Variants in NR1H3 observed in about 807,000 individuals in gnomAD.
NR1H3 encodes the protein nuclear receptor subfamily 1 group H member 3.
Under a neutral mutation model 48.1 loss-of-function variants are expected in NR1H3, and 19 were observed. The observed-to-expected ratio is 0.40, with a 90% CI of 0.28 to 0.58. The LOEUF is 0.58. Ranked by LOEUF, NR1H3 falls within the 20% of genes least tolerant of loss-of-function variation. The probability of loss-of-function intolerance (pLI) is 0.50; values close to 1 mark genes in which losing one functional copy is unlikely to be tolerated. For missense variants in NR1H3, 486 were observed against 595.9 expected, an observed-to-expected ratio of 0.82 and a Z score of 1.92; for synonymous variants, 232 against 227.3, an observed-to-expected ratio of 1.02 and a Z score of -0.19.
chr11:47,261,162 T>G, intron 4 of NR1H3, 79 bp from the exon 5 acceptor site: 1 of 913,610 alleles, frequency 1.1e-6, no homozygotes. Context: ...GCCCCATCCT[T>G]CCCTCCTGTC....
At position 47,258,056 on chromosome 11, in the gene NR1H3, T is replaced by C; in HGVS notation, c.-111T>C. 1.0e-6 allele frequency: 1 copy of C among 985,274 alleles called. No individual in the cohort carries two copies. The highest frequency in any genetic ancestry group is 1.2e-6 in the Non-Finnish European group (1 of 830,064). The allele number at this position is 985,274 out of a possible 1,614,324, so 61.0% of individuals were successfully genotyped here. On this transcript the variant is annotated 5_prime_UTR_variant, in exon 1 of 10. Coordinates refer to ENST00000441012, the MANE Select transcript of NR1H3 (RefSeq NM_005693.4). ...CCACCGAGACTTCTGGACAGGAAACTGCACCATCCTCTTCTCCCAGCAAGG... is the reference window on the plus strand; with the variant it reads ...CCACCGAGACTTCTGGACAGGAAACCGCACCATCCTCTTCTCCCAGCAAGG...
At chr11:47,259,551 A>G in intron 2 of NR1H3, 2 of 1,483,402 alleles carry the variant, frequency 1.3e-6, no homozygotes, top group East Asian at 5.0e-5. Context: ...TGAAATGCAT[A>G]CACTCCAGCC....
Position 47,268,750 on chromosome 11 carries a change from G to A in NR1H3, c.*54G>A. 2 of 1,591,482 alleles carry A rather than the reference G, an allele frequency of 1.3e-6. No individual in the cohort carries two copies. The highest frequency in any genetic ancestry group is 2.3e-5 in the South Asian group (2 of 88,876). Reference sequence around the variant, plus strand: ...TTGGCCGGATGGCTGAGGCCTGGTGGCTGCCTCCTAGAAGTGGAACAGACT... The same window carrying A: ...TTGGCCGGATGGCTGAGGCCTGGTGACTGCCTCCTAGAAGTGGAACAGACT... On this transcript the variant is annotated 3_prime_UTR_variant, in exon 10 of 10. Transcript: ENST00000441012.
upstream of NR1H3, among the ~76,000 whole-genome samples, chr11:47,255,547 TTC>T (rs1241899233): frequency 8.1e-4 from 45 of 55,736 alleles, no homozygotes; most frequent in East Asian, 0.014. Context: ...TTCTTTTTCT[TTC>T]TTTCTTTCTT....
intron 6 of NR1H3, 38 bp downstream of exon 6, chr11:47,261,764 A>G: frequency 6.2e-7 from 1 of 1,613,898 alleles, no homozygotes; most frequent in African/African-American, 1.3e-5. Flanking sequence ...GGAGAAGCAG[A>G]GTGGGATTAT....
intron 1 of NR1H3, chr11:47,258,740 C>T (rs1246811993): frequency 1.8e-5 from 3 of 163,894 alleles, no homozygotes; most frequent in African/African-American, 4.8e-5. Flanking sequence ...TTGCTTCAGC[C>T]CAGTAGTTTG....
rs61731956 is a variant in NR1H3 at position 47,268,596 on chromosome 11, G to A, written c.1244G>A (p.Arg415Gln). 4.6e-4 allele frequency: 744 copies of A among 1,614,204 alleles called. 1 individual carries two copies. Among genetic ancestry groups the A allele is most frequent in the Non-Finnish European group, 5.8e-4 (685 of 1,180,044 alleles). Residue 415 changes from arginine (R) to glutamine (Q), a missense_variant, in exon 10 of 10, where the codon CGG (arginine) becomes CAG (glutamine). Transcript: ENST00000441012. ...ATGCTAATGAAACTGGTGAGCCTCC[G>A]GACCCTGAGCAGCGTCCACTCAGAG... ...PRMLMKLVSL[R>Q]TLSSVHSEQV...
chr11:47,248,503 C>G (rs1466201497), upstream of NR1H3: 2 of 1,550,970 alleles, frequency 1.3e-6, no homozygotes, highest in Non-Finnish European at 1.7e-6. Flanking sequence ...ATTCGGTCAT[C>G]CTGACTCCCA....
chr11:47,267,893 C>G lies in NR1H3; in HGVS notation c.989-20C>G. ...CTGCTGCTCCTGCTGCTTGCGTCAG[C>G]CTCCCTTCTTCCTCCCCAGGGCTGC... is the stretch of plus-strand genomic sequence containing the variant. On this transcript the variant is annotated intron_variant, in intron 7 of 9. Transcript: ENST00000441012. 4 of 1,564,254 alleles carry G rather than the reference C, an allele frequency of 2.6e-6. No individual in the cohort carries two copies. The highest frequency in any genetic ancestry group is 2.6e-6 in the Non-Finnish European group (3 of 1,134,726).
At chr11:47,262,621 TCTC>T (rs553499005) in intron 7 of NR1H3, among the ~76,000 whole-genome samples, 84 of 152,056 alleles carry the variant, frequency 5.5e-4, no homozygotes, top group African/African-American at 2.0e-3. Flanking sequence ...TTCAAGCAAT[TCTC>T]CTGCTTCAGC....
intron 7 of NR1H3, among the ~76,000 whole-genome samples, chr11:47,263,332 G>A (rs1460542010): frequency 6.7e-5 from 10 of 149,222 alleles, no homozygotes; most frequent in African/African-American, 2.2e-4. Flanking sequence ...TGGCATGAAC[G>A]TGGCTCACTG....
At chr11:47,260,262 T>G (rs1955691508) in intron 3 of NR1H3, 147 bp from the exon 4 acceptor site, 3 of 1,144,970 alleles carry the variant, frequency 2.6e-6, no homozygotes, top group Non-Finnish European at 3.7e-6. Flanking sequence ...ACTTGGCAAA[T>G]GAGGGCTACT....
At chr11:47,251,383 G>A (rs867100519) in intron 1 of NR1H3, among the ~76,000 whole-genome samples, 1 of 151,970 alleles carries the variant, frequency 6.6e-6, no homozygotes, top group Non-Finnish European at 1.5e-5. Context: ...AGGACGAGGC[G>A]GGTGGATCAC....
upstream of NR1H3, among the ~76,000 whole-genome samples, chr11:47,255,968 A>G (rs1955135864): frequency 6.7e-6 from 1 of 149,518 alleles, no homozygotes; most frequent in Non-Finnish European, 1.5e-5. Context: ...CGCACCCTGC[A>G]TGATCTGTAG....
Position 47,268,669 on chromosome 11 carries a change from C to T in NR1H3, c.1317C>T (p.Leu439=). 1 of 1,614,196 alleles carries T rather than the reference C, an allele frequency of 6.2e-7. No homozygotes were observed. Among genetic ancestry groups the T allele is most frequent in the African/African-American group, 1.3e-5 (1 of 75,068 alleles). The change falls in exon 10 of 10, where the codon CTC becomes CTT. Residue 439 remains leucine (L), a synonymous_variant. Transcript: ENST00000441012. The part of the protein sequence containing the change: ...RLQDKKLPPL[L]SEIWDVHE ...AGGACAAAAAGCTCCCACCGCTGCT[C>T]TCTGAGATCTGGGATGTGCACGAAT...
At chr11:47,263,606 CTTTT>C (rs563452264) in intron 7 of NR1H3, among the ~76,000 whole-genome samples, 1 of 132,372 alleles carries the variant, frequency 7.6e-6, no homozygotes, top group Non-Finnish European at 1.6e-5. Context: ...TTTTTCTTTT[CTTTT>C]TTTTTTTTTT....
At chr11:47,257,767 TG>T, upstream of NR1H3, 1 of 950,214 alleles carries the variant, frequency 1.1e-6, no homozygotes, top group Non-Finnish European at 1.2e-6. Flanking sequence ...ACATGGAACT[TG>T]GCTGGTCTGC....
chr11:47,268,264 G>A lies in NR1H3; in HGVS notation c.1106G>A (p.Arg369Gln), dbSNP rs372713051. 8.1e-6 allele frequency: 13 copies of A among 1,613,760 alleles called. No individual in the cohort carries two copies. Among genetic ancestry groups the A allele is most frequent in the South Asian group, 2.2e-5 (2 of 91,054 alleles). Residue 369 changes from arginine to glutamine, a missense_variant, in exon 9 of 10, where the codon CGG becomes CAG. By Grantham distance (43) the Arg-to-Gln change is conservative. Transcript: ENST00000441012. ...LIAISIFSAD[R>Q]PNVQDQLQVE... ...CAACTCTCTTGGTGACCTATAGACCGGCCCAACGTGCAGGACCAGCTCCAG... is the reference window on the plus strand; with the variant it reads ...CAACTCTCTTGGTGACCTATAGACCAGCCCAACGTGCAGGACCAGCTCCAG...
intron 8 of NR1H3, 27 bp downstream of exon 8, chr11:47,268,053 G>A: frequency 6.5e-7 from 1 of 1,545,824 alleles, no homozygotes; most frequent in Non-Finnish European, 8.9e-7. Flanking sequence ...ATGGGAAACA[G>A]CAAGAGACTT....
Sources: allele counts gnomAD v4.1 joint callset (sites outside exome capture counted in the v4.1 genomes callset), GRCh38; gene constraint gnomAD v4.1.1; transcripts MANE v1.5; gene names NCBI Gene and HGNC (gene_info 2026-07-23, HGNC 2026-07-21).